The following LIMCH1 variants were observed in gnomAD, a reference collection of about 807,000 sequenced individuals.
The protein encoded by LIMCH1 is LIM and calponin homology domains-containing protein 1.
In LIMCH1, 113 loss-of-function variants were observed where a neutral mutation model predicts 176.5. The observed-to-expected ratio is 0.64, with a 90% CI of 0.55 to 0.75. The LOEUF is 0.75. LIMCH1 is among the 30% of genes least tolerant of loss of function. The pLI is 0.00. For synonymous variants in LIMCH1, 619 were observed against 645.9 expected (o/e 0.96, Z 0.63); for missense variants, 1,674 against 1,814.9 (o/e 0.92, Z 1.41).
chr4:41,633,767 T>A lies in LIMCH1; in HGVS notation c.2049T>A (p.Asp683Glu), dbSNP rs1282317866. Reference sequence around the variant, plus strand: ...CAGTTCCATTTGCAAAGCAACAGGATGTGGAAGAATCTTCTAAAGGTCTAC... The same window carrying A: ...CAGTTCCATTTGCAAAGCAACAGGAAGTGGAAGAATCTTCTAAAGGTCTAC... ...FLPVPFAKQQ[D>E]VEESSKGLPM... Residue 683 changes from aspartate to glutamate, a missense_variant, in exon 13 of 32, where the codon GAT becomes GAA. Asp to Glu is a conservative substitution (Grantham distance 45, BLOSUM62 2). Coordinates refer to ENST00000503057, the MANE Select transcript of LIMCH1 (RefSeq NM_001330672.2). 4 of 1,536,134 alleles carry A rather than the reference T, an allele frequency of 2.6e-6. No homozygotes were observed. The East Asian group carries it at 9.8e-5, about 38-fold the overall frequency.
intron 1 of LIMCH1, among the ~76,000 whole-genome samples, chr4:41,454,423 G>A (rs976661300): frequency 6.6e-6 from 1 of 152,080 alleles, no homozygotes; most frequent in African/African-American, 2.4e-5. Context: ...AAAATGGAGT[G>A]TTTTTCAAAT....
chr4:41,362,475 C>G (rs1366947931), intron 1 of LIMCH1, among the ~76,000 whole-genome samples: 1 of 152,138 alleles, frequency 6.6e-6, no homozygotes, highest in Admixed American at 6.5e-5. Flanking sequence ...AACTATTTTT[C>G]AGGTTCTTGA....
rs2094982876 is a variant in LIMCH1, at chr4:41,670,652, G to A, written c.3398-902G>A. 2.2e-5 allele frequency: 26 copies of A among 1,197,938 alleles called. 1 individual carries two copies. In the South Asian group the frequency reaches 3.5e-4, roughly 16 times the overall value. The allele number at this position is 1,197,938 out of a possible 1,614,324, so 74.2% of individuals were successfully genotyped here. ...ACTCCCTATAGTACTTGGGAGCATGGTTCTATTCAGTTCTCACCCCAGTTT... is the reference window on the plus strand; with the variant it reads ...ACTCCCTATAGTACTTGGGAGCATGATTCTATTCAGTTCTCACCCCAGTTT... On this transcript the variant is annotated intron_variant, in intron 21 of 31. Coordinates refer to ENST00000503057, the MANE Select transcript of LIMCH1 (RefSeq NM_001330672.2).
At chr4:41,654,577 C>T (rs542445897) in intron 18 of LIMCH1, among the ~76,000 whole-genome samples, 7 of 151,990 alleles carry the variant, frequency 4.6e-5, no homozygotes, top group Non-Finnish European at 7.4e-5. Flanking sequence ...GAGGAATATA[C>T]GATTGCAAAG....
rs1405560749 is a variant in LIMCH1 at position 41,661,408 on chromosome 4, T to A, written c.3037-12T>A. ...ATCATTTATTCAAGGGGGAAAAAAATCTCTTTTTCAGGCAACCACTGAGAA... is the reference window on the plus strand; with the variant it reads ...ATCATTTATTCAAGGGGGAAAAAAAACTCTTTTTCAGGCAACCACTGAGAA... On this transcript the variant is annotated splice_polypyrimidine_tract_variant and intron_variant, in intron 18 of 31. Transcript: ENST00000503057. The A allele has an allele frequency of 6.4e-7, 1 of 1,569,536 alleles. No homozygotes were observed. The highest frequency in any genetic ancestry group is 8.7e-7 in the Non-Finnish European group (1 of 1,148,640).
At chr4:41,492,803 G>T (rs1372638250) in intron 1 of LIMCH1, among the ~76,000 whole-genome samples, 1 of 152,096 alleles carries the variant, frequency 6.6e-6, no homozygotes, top group Non-Finnish European at 1.5e-5. Flanking sequence ...TTAATTAGGT[G>T]TATGAATGTT....
chr4:41,631,216 G>T lies in LIMCH1; in HGVS notation c.1340G>T (p.Arg447Leu). The T allele has an allele frequency of 6.5e-7, 1 of 1,536,062 alleles. No individual in the cohort carries two copies. Among genetic ancestry groups the T allele is most frequent in the Non-Finnish European group, 8.7e-7 (1 of 1,146,896 alleles). Residue 447 changes from arginine to leucine, a missense_variant, in exon 10 of 32, where the codon CGT (arginine) becomes CTT (leucine). By Grantham distance (102) the Arg-to-Leu change is moderately radical. Around this residue, in one of 3 missense-constraint regions of LIMCH1, gnomAD observed 655 missense variants for 692.2 expected, o/e 0.95. Coordinates refer to ENST00000503057, the MANE Select transcript of LIMCH1 (RefSeq NM_001330672.2). The stretch of plus-strand genomic sequence containing the variant: ...GAAATTAAAGCAGAAACTGCCATTC[G>T]TGATGACTTTGCCAACCGCAAAGCA... Reference protein sequence around the residue: ...SPEIKAETAIRDDFANRKARA... With the variant: ...SPEIKAETAILDDFANRKARA...
chr4:41,630,487 A>C (rs2093259321), intron 9 of LIMCH1, among the ~76,000 whole-genome samples: 1 of 152,202 alleles, frequency 6.6e-6, no homozygotes, highest in Non-Finnish European at 1.5e-5. Flanking sequence ...CTTTCAAATA[A>C]TTTTAATTAT....
intron 23 of LIMCH1, 65 bp downstream of exon 23, chr4:41,676,527 A>G: frequency 8.6e-7 from 1 of 1,161,798 alleles, no homozygotes; most frequent in Non-Finnish European, 1.3e-6. Context: ...CATTGCATTA[A>G]ATAGACTTTT....
intron 1 of LIMCH1, among the ~76,000 whole-genome samples, chr4:41,429,580 A>G (rs191937380): frequency 6.6e-6 from 1 of 152,334 alleles, no homozygotes; most frequent in African/African-American, 2.4e-5. Context: ...ATTTGAACCT[A>G]TAAAGAATTA....
chr4:41,684,734 G>A (rs188480723), intron 27 of LIMCH1, among the ~76,000 whole-genome samples: 7 of 151,600 alleles, frequency 4.6e-5, no homozygotes, highest in African/African-American at 1.7e-4. Context: ...GAGCGTGTTC[G>A]CACTTAAAAA....
chr4:41,508,167 G>C (rs1444480353), intron 2 of LIMCH1, among the ~76,000 whole-genome samples: 1 of 152,200 alleles, frequency 6.6e-6, no homozygotes, highest in East Asian at 1.9e-4. Context: ...TGTGGATGGA[G>C]AGAAGTAGTG....
intron 3 of LIMCH1, among the ~76,000 whole-genome samples, chr4:41,526,697 T>C (rs1458837094): frequency 1.3e-5 from 2 of 152,250 alleles, no homozygotes; most frequent in Non-Finnish European, 2.9e-5. Context: ...GTGTTCTGTC[T>C]ATTGGACAGT....
chr4:41,579,974 C>T (rs943646769), intron 1 of LIMCH1, among the ~76,000 whole-genome samples: 2 of 152,136 alleles, frequency 1.3e-5, no homozygotes, highest in East Asian at 3.8e-4. Flanking sequence ...GGAGGCACAG[C>T]CTTCGGGGAG....
At chr4:41,583,589 T>C (rs1309972104) in intron 1 of LIMCH1, among the ~76,000 whole-genome samples, 2 of 152,166 alleles carry the variant, frequency 1.3e-5, no homozygotes, top group Non-Finnish European at 2.9e-5. Context: ...TGAAATGTGG[T>C]TTCCACTTGT....
chr4:41,651,274 G>A (rs765075929), intron 18 of LIMCH1, among the ~76,000 whole-genome samples: 1 of 152,266 alleles, frequency 6.6e-6, no homozygotes, highest in Non-Finnish European at 1.5e-5. Context: ...CAAAAGTGCT[G>A]GGATTACAGG....
intron 30 of LIMCH1, among the ~76,000 whole-genome samples, chr4:41,690,347 A>C (rs1216422486): frequency 6.6e-6 from 1 of 152,212 alleles, no homozygotes; most frequent in East Asian, 1.9e-4. Context: ...TTAGTGAATA[A>C]ACTGAAAATG....
At chr4:41,584,006 T>G (rs1263717969) in intron 1 of LIMCH1, among the ~76,000 whole-genome samples, 1 of 152,132 alleles carries the variant, frequency 6.6e-6, no homozygotes, top group Non-Finnish European at 1.5e-5. Flanking sequence ...GTAAATATGA[T>G]AGGGATAATG....
chr4:41,416,056 G>A (rs2059906661), intron 1 of LIMCH1, among the ~76,000 whole-genome samples: 1 of 152,080 alleles, frequency 6.6e-6, no homozygotes, highest in African/African-American at 2.4e-5. Context: ...TACTCAGGCT[G>A]GCGCTGAGTA....
Sources: allele counts gnomAD v4.1 joint callset (sites outside exome capture counted in the v4.1 genomes callset), GRCh38; gene constraint gnomAD v4.1.1; regional missense constraint gnomAD v4.1.1; transcripts MANE v1.5; gene names NCBI Gene and HGNC (gene_info 2026-07-23, HGNC 2026-07-21).